Variants in EXOC4 observed in about 807,000 individuals in gnomAD.
EXOC4 encodes SEC8-like 1.
Under a neutral mutation model 107.2 loss-of-function variants are expected in EXOC4, and 71 were observed. The observed-to-expected ratio is 0.66, with a 90% CI of 0.55 to 0.81. The LOEUF is 0.81. Ranked by LOEUF, EXOC4 falls within the 30% of genes least tolerant of loss-of-function variation. The pLI is 0.00. For synonymous variants in EXOC4, 456 were observed against 441.2 expected (o/e 1.03, Z -0.42); for missense variants, 1,108 against 1,189.6 (o/e 0.93, Z 1.01).
intron 2 of EXOC4, among the ~76,000 whole-genome samples, chr7:133,277,875 T>C (rs781550287): frequency 3.3e-5 from 5 of 152,236 alleles, no homozygotes; most frequent in Admixed American, 6.5e-5. Context: ...TTTCCTGTCA[T>C]TTTTGGCTTT....
At chr7:133,310,853 G>A (rs1794855674) in intron 4 of EXOC4, among the ~76,000 whole-genome samples, 1 of 152,114 alleles carries the variant, frequency 6.6e-6, no homozygotes. Context: ...TAGGAAGTGG[G>A]GCCTTCTTTT....
intron 2 of EXOC4, 124 bp downstream of exon 2, chr7:133,275,295 G>T: frequency 2.6e-6 from 2 of 772,364 alleles, no homozygotes; most frequent in Non-Finnish European, 1.9e-6. Context: ...CCACTTTTCA[G>T]GAGTTCTGCA....
chr7:133,608,994 G>T (rs537660389), intron 9 of EXOC4, among the ~76,000 whole-genome samples: 4 of 152,030 alleles, frequency 2.6e-5, no homozygotes, highest in African/African-American at 9.7e-5. Context: ...TACCATATTG[G>T]GTTCATCTAT....
At chr7:133,680,138 C>G (rs1209144353) in intron 10 of EXOC4, among the ~76,000 whole-genome samples, 1 of 152,122 alleles carries the variant, frequency 6.6e-6, no homozygotes, top group Non-Finnish European at 1.5e-5. Context: ...CTCAGACAAG[C>G]AAGTGATTGA....
chr7:133,825,309 G>A (rs1312953571), intron 11 of EXOC4, among the ~76,000 whole-genome samples: 1 of 152,096 alleles, frequency 6.6e-6, no homozygotes, highest in Admixed American at 6.5e-5. Context: ...AGGTTGCAGT[G>A]AGCAATGATC....
At position 134,008,322 on chromosome 7, in the gene EXOC4, C is replaced by T. The variant is rs184096107; in HGVS notation, c.2687+487C>T. Reference sequence around the variant, plus strand: ...TTTTATATTAATTTAATTTTGTTTTCCCCTATCAATAACGTTGTTTGAAAA... The same window carrying T: ...TTTTATATTAATTTAATTTTGTTTTTCCCTATCAATAACGTTGTTTGAAAA... On this transcript the variant is annotated intron_variant, in intron 17 of 17. Transcript: ENST00000253861. Among the ~76,000 whole-genome samples, 494 of 152,142 alleles carry T rather than the reference C, an allele frequency of 3.2e-3. 3 individuals carry two copies. The highest frequency in any genetic ancestry group is 0.011 in the African/African-American group (459 of 41,510).
intron 10 of EXOC4, among the ~76,000 whole-genome samples, chr7:133,676,979 T>TG: frequency 2.7e-5 from 2 of 73,952 alleles, no homozygotes. Context: ...GTGTGTGTGT[T>TG]GAGAACAAAG....
intron 12 of EXOC4, among the ~76,000 whole-genome samples, chr7:133,903,492 G>A (rs577854789): frequency 6.6e-6 from 1 of 152,274 alleles, no homozygotes; most frequent in Non-Finnish European, 1.5e-5. Flanking sequence ...ATTGAAGATA[G>A]GGTGTGAGAG....
intron 10 of EXOC4, among the ~76,000 whole-genome samples, chr7:133,631,341 A>C (rs961858833): frequency 6.6e-6 from 1 of 152,132 alleles, no homozygotes; most frequent in Non-Finnish European, 1.5e-5. Flanking sequence ...TTCTCCAAGC[A>C]TAAACAGTTT....
rs80329097 is a variant in EXOC4 at position 133,943,680 on chromosome 7, C to T, written c.2206+5611C>T. On this transcript the variant is annotated intron_variant, in intron 14 of 17. Coordinates refer to ENST00000253861, the MANE Select transcript of EXOC4 (RefSeq NM_021807.4). ...GCTCAGGGCAGATGTTCCACTATTGCGGGAACTTAATTTCATATTATTGGC... is the reference window on the plus strand; with the variant it reads ...GCTCAGGGCAGATGTTCCACTATTGTGGGAACTTAATTTCATATTATTGGC... Among the ~76,000 whole-genome samples the T allele has an allele frequency of 1.4e-3, 217 of 152,170 alleles. 2 individuals are homozygous for T. Among genetic ancestry groups the T allele is most frequent in the Middle Eastern group, 0.01 (3 of 294 alleles).
At chr7:133,271,888 G>T (rs1008798448) in intron 1 of EXOC4, among the ~76,000 whole-genome samples, 3 of 151,994 alleles carry the variant, frequency 2.0e-5, no homozygotes, top group Non-Finnish European at 4.4e-5. Context: ...TTGACATTAA[G>T]GAGGAATAAG....
At chr7:133,937,801 T>C (rs1800338113) in intron 13 of EXOC4, 90 bp from the exon 14 acceptor site, 2 of 1,245,066 alleles carry the variant, frequency 1.6e-6, no homozygotes, top group East Asian at 2.3e-5. Context: ...CTCATGTCAG[T>C]CCTTGTGCTA....
chr7:133,488,618 C>G (rs149552481), intron 9 of EXOC4, among the ~76,000 whole-genome samples: 5 of 151,978 alleles, frequency 3.3e-5, no homozygotes, highest in African/African-American at 1.2e-4. Context: ...GGATTTGTAC[C>G]TCATATCATT....
In EXOC4 at chr7:133,320,683, G is replaced by A. The variant is rs146084239; in HGVS notation, c.763+3293G>A. 8.5e-5 allele frequency among the ~76,000 whole-genome samples: 13 copies of A among 152,230 alleles called. No homozygotes were observed. The East Asian group carries it at 2.5e-3, about 29-fold the overall frequency. On this transcript the variant is annotated intron_variant, in intron 5 of 17. Coordinates refer to ENST00000253861, the MANE Select transcript of EXOC4 (RefSeq NM_021807.4). ...CTACGCTGCCCATTTTGTGACTTAA[G>A]TTATCTTTAGGAGCAAGTGTAAAAA...
chr7:133,320,065 T>C (rs1187909868), intron 5 of EXOC4, among the ~76,000 whole-genome samples: 2 of 152,174 alleles, frequency 1.3e-5, no homozygotes, highest in African/African-American at 4.8e-5. Flanking sequence ...GGGAGGTTAA[T>C]AATTGATAAA....
chr7:133,529,356 C>T (rs1800137714), intron 9 of EXOC4, among the ~76,000 whole-genome samples: 1 of 152,092 alleles, frequency 6.6e-6, no homozygotes, highest in African/African-American at 2.4e-5. Context: ...TTCAGACATC[C>T]CTGCTCCCTT....
intron 17 of EXOC4, among the ~76,000 whole-genome samples, chr7:134,008,837 C>T (rs551544566): frequency 1.3e-5 from 2 of 152,150 alleles, no homozygotes; most frequent in Admixed American, 6.5e-5. Context: ...CACTATGTTG[C>T]CTAGGCTGGT....
At chr7:133,435,171 T>G (rs1047843469) in intron 7 of EXOC4, among the ~76,000 whole-genome samples, 1 of 152,168 alleles carries the variant, frequency 6.6e-6, no homozygotes, top group Non-Finnish European at 1.5e-5. Flanking sequence ...AATCGATGCT[T>G]TGGTTGCACT....
chr7:133,260,537 G>C, intron 1 of EXOC4, among the ~76,000 whole-genome samples: 1 of 152,206 alleles, frequency 6.6e-6, no homozygotes, highest in East Asian at 1.9e-4. Flanking sequence ...GCCTCCCAAA[G>C]TGCAGGGATT....
Sources: gnomAD v4.1 joint callset for allele counts (sites outside exome capture counted in the v4.1 genomes callset) on GRCh38, gnomAD v4.1.1 for gene constraint, MANE v1.5 for transcripts, NCBI Gene and HGNC (gene_info 2026-07-23, HGNC 2026-07-21) for gene names.